The following CST9L variants were observed in gnomAD, a reference collection of about 807,000 sequenced individuals.
CST9L encodes the protein cystatin 9 like.
CST9L carries 17 observed loss-of-function variants against 13.2 expected under a neutral mutation model. The observed-to-expected ratio is 1.29, with a 90% CI of 0.88 to 1.93. The LOEUF (loss-of-function observed/expected upper bound fraction) is 1.93, where lower values mean the gene tolerates loss of function less well. Ranked by LOEUF, CST9L falls within the 30% of genes most tolerant of loss-of-function variation. The probability of loss-of-function intolerance (pLI) is 0.00; values close to 1 mark genes in which losing one functional copy is unlikely to be tolerated. For synonymous variants in CST9L, 78 were observed against 69.1 expected, an observed-to-expected ratio of 1.13 and a Z score of -0.64; for missense variants, 170 against 170.5, an observed-to-expected ratio of 1.00 and a Z score of 0.02.
Position 23,568,256 on chromosome 20 carries a change from G to A in CST9L, c.195C>T (p.Tyr65=). 1 of 1,614,168 alleles carries A rather than the reference G, an allele frequency of 6.2e-7. No individual in the cohort carries two copies. The highest frequency in any genetic ancestry group is 8.5e-7 in the Non-Finnish European group (1 of 1,180,022). Residue 65 remains tyrosine, a synonymous_variant, in exon 1 of 3, where the codon TAC becomes TAT. Coordinates refer to ENST00000376979, the MANE Select transcript of CST9L (RefSeq NM_080610.3). ...AGATGTGCCCCAGTCTGTAGGCATA[G>A]TAGTCCTTGCTCTGTTGGTTGAATG... is the stretch of plus-strand genomic sequence containing the variant. ...VHTFNQQSKD[Y]YAYRLGHILN...
chr20:23,568,376 C>T lies in CST9L; in HGVS notation c.75G>A (p.Leu25=). The change falls in exon 1 of 3, where the codon CTG becomes CTA. Residue 25 remains leucine (L), a synonymous_variant. Transcript: ENST00000376979. ...LLLLLGSQIL[L]IYAWHFHEQR... ...GCTCGTGGAAATGCCAGGCATAGATCAGCAGGATCTGGGAGCCTAAGAGAA... is the reference window on the plus strand; with the variant it reads ...GCTCGTGGAAATGCCAGGCATAGATTAGCAGGATCTGGGAGCCTAAGAGAA... The T allele has an allele frequency of 6.2e-7, 1 of 1,614,200 alleles. No individual in the cohort carries two copies. Among genetic ancestry groups the T allele is most frequent in the East Asian group, 2.2e-5 (1 of 44,886 alleles).
chr20:23,565,874 C>A (rs1989085619), intron 2 of CST9L, 100 bp downstream of exon 2: 2 of 780,050 alleles, frequency 2.6e-6, no homozygotes, highest in Admixed American at 3.5e-5. Flanking sequence ...GCTGCAGGCT[C>A]ACTCCTCTAA....
chr20:23,565,929 G>T, intron 2 of CST9L, 45 bp downstream of exon 2: 1 of 1,032,440 alleles, frequency 9.7e-7, no homozygotes, highest in Non-Finnish European at 1.5e-6. Flanking sequence ...ACCCCATGTG[G>T]CATCCACAGC....
At chr20:23,566,216 T>C (rs1194131917) in intron 1 of CST9L, 129 bp from the exon 2 acceptor site, 4 of 696,478 alleles carry the variant, frequency 5.7e-6, no homozygotes, top group African/African-American at 1.8e-5. Context: ...CCCATGGGCC[T>C]GGCATCAGGA....
intron 2 of CST9L, 101 bp from the exon 3 acceptor site, chr20:23,565,138 CA>C (rs1989073537): frequency 1.2e-6 from 1 of 839,682 alleles, no homozygotes; most frequent in South Asian, 1.4e-5. Flanking sequence ...TGCCCTTTCC[CA>C]GGTCAAGCAG....
intron 2 of CST9L, among the ~76,000 whole-genome samples, chr20:23,565,414 A>T (rs1450549800): frequency 2.6e-5 from 4 of 152,150 alleles, no homozygotes; most frequent in Non-Finnish European, 1.5e-5. Flanking sequence ...TATTACAATA[A>T]GGGTGTTGAT....
chr20:23,565,903 C>T, intron 2 of CST9L, 71 bp downstream of exon 2: 1 of 864,142 alleles, frequency 1.2e-6, no homozygotes, highest in South Asian at 1.3e-5. Context: ...GTCAGTTGCA[C>T]CTGTGCCCAC....
Position 23,564,948 on chromosome 20 carries a change from T to C in CST9L, c.444A>G (p.Ter148TrpextTer63). 3 of 1,606,870 alleles carry C rather than the reference T, an allele frequency of 1.9e-6. No homozygotes were observed. Among genetic ancestry groups the C allele is most frequent in the South Asian group, 1.1e-5 (1 of 90,958 alleles). ...LNKTCLEGFH[*>W] The stretch of plus-strand genomic sequence containing the variant: ...GGACAAGCCTGTGAGTGGGTTTCAC[T>C]CAGTGGAATCCCTCCAAGCAGGTCT... The change falls in exon 3 of 3, where the codon TGA (stop) becomes TGG (tryptophan). Residue 148 changes from the stop codon to tryptophan, a stop_lost. Coordinates refer to ENST00000376979, the MANE Select transcript of CST9L (RefSeq NM_080610.3).
chr20:23,566,202 C>T (rs1003377550), intron 1 of CST9L, 115 bp from the exon 2 acceptor site: 1 of 734,896 alleles, frequency 1.4e-6, no homozygotes, highest in Non-Finnish European at 2.5e-6. Context: ...CATTAGGGAG[C>T]TTGCCCATGG....
In CST9L at chr20:23,568,210, C is replaced by A. The variant is rs771771836; in HGVS notation, c.240+1G>T. On this transcript the variant is annotated splice_donor_variant, in intron 1 of 2. Transcript: ENST00000376979. LOFTEE classifies it high-confidence loss of function. ...GGGCAGGAGGGTACGTGGTCACCAA[C>A]CTGCTCCTTCCAGGAATTCAAGATG... 6.2e-7 allele frequency: 1 copy of A among 1,614,194 alleles called. No homozygotes were observed. Among genetic ancestry groups the A allele is most frequent in the Non-Finnish European group, 8.5e-7 (1 of 1,180,024 alleles).
intron 2 of CST9L, among the ~76,000 whole-genome samples, chr20:23,565,250 G>A (rs902798414): frequency 6.6e-6 from 1 of 152,126 alleles, no homozygotes; most frequent in Admixed American, 6.5e-5. Context: ...CTGACCCAGG[G>A]GCGCCTGTGC....
chr20:23,565,692 CAGGGGGA>C (rs1989082238), intron 2 of CST9L, among the ~76,000 whole-genome samples: 1 of 152,170 alleles, frequency 6.6e-6, no homozygotes, highest in Non-Finnish European at 1.5e-5. Context: ...ACTGGGACCC[CAGGGGGA>C]AAGAGCAGTC....
rs376346940 is a variant in CST9L at position 23,568,280 on chromosome 20, T to A, written c.171A>T (p.Thr57=). The change falls in exon 1 of 3, where the codon ACA becomes ACT. Residue 57 remains threonine, a synonymous_variant. Transcript: ENST00000376979. ...AGTAGTCCTTGCTCTGTTGGTTGAATGTGTGGACAGCAAACTCCACTGTGG... is the reference window on the plus strand; with the variant it reads ...AGTAGTCCTTGCTCTGTTGGTTGAAAGTGTGGACAGCAAACTCCACTGTGG... The part of the protein sequence containing the change: ...LPATVEFAVH[T]FNQQSKDYYA... The A allele has an allele frequency of 8.1e-5, 131 of 1,614,034 alleles. No individual in the cohort carries two copies. The highest frequency in any genetic ancestry group is 8.1e-5 in the Non-Finnish European group (95 of 1,180,034).
intron 1 of CST9L, 72 bp downstream of exon 1, chr20:23,568,139 C>A: frequency 2.1e-5 from 33 of 1,556,716 alleles, no homozygotes; most frequent in Non-Finnish European, 2.9e-5. Flanking sequence ...ACCCCCTGTC[C>A]CCACCCCACT....
intron 2 of CST9L, among the ~76,000 whole-genome samples, chr20:23,565,683 C>G (rs537881516): frequency 2.0e-5 from 3 of 152,186 alleles, no homozygotes; most frequent in Non-Finnish European, 2.9e-5. Context: ...ACCCAGGAGA[C>G]TGGGACCCCA....
At chr20:23,565,647 C>T (rs932379220) in intron 2 of CST9L, among the ~76,000 whole-genome samples, 4 of 152,110 alleles carry the variant, frequency 2.6e-5, no homozygotes, top group African/African-American at 9.7e-5. Flanking sequence ...GGGAGGAAGA[C>T]CAGAGAGGGG....
chr20:23,566,741 G>A (rs935248351), intron 1 of CST9L, among the ~76,000 whole-genome samples: 30 of 151,982 alleles, frequency 2.0e-4, no homozygotes, highest in Non-Finnish European at 2.6e-4. Flanking sequence ...AAAGTTAGCT[G>A]GGCATGGTGG....
chr20:23,567,650 T>C (rs1414353556), intron 1 of CST9L, among the ~76,000 whole-genome samples: 1 of 152,128 alleles, frequency 6.6e-6, no homozygotes, highest in African/African-American at 2.4e-5. Context: ...ACCTGTGGTC[T>C]GAGGAAGAGT....
At chr20:23,567,465 G>A (rs1057477557) in intron 1 of CST9L, among the ~76,000 whole-genome samples, 5 of 137,666 alleles carry the variant, frequency 3.6e-5, no homozygotes, top group African/African-American at 5.4e-5. Context: ...CGGAGATGAC[G>A]CCACTGTACT....
Sources: allele counts gnomAD v4.1 joint callset (sites outside exome capture counted in the v4.1 genomes callset), GRCh38; gene constraint gnomAD v4.1.1; transcripts MANE v1.5; gene names NCBI Gene and HGNC (gene_info 2026-07-23, HGNC 2026-07-21).